SHLD1: variants seen among roughly 807,000 people sequenced by gnomAD.
SHLD1 encodes the protein RINN1-REV7-interacting novel NHEJ regulator 3.
In SHLD1, 3 loss-of-function variants were observed where a neutral mutation model predicts 5.5. That is an observed-to-expected ratio of 0.54 (90% confidence interval 0.25 to 1.40). SHLD1 has a LOEUF of 1.40. SHLD1 is among the 40% of genes most tolerant of loss of function. SHLD1 has a pLI of 0.15. For synonymous variants in SHLD1, 92 were observed against 94.3 expected (o/e 0.98, Z 0.14); for missense variants, 210 against 244.4 (o/e 0.86, Z 0.94).
At chr20:5,862,360 GC>G (rs2088174645) in intron 2 of SHLD1, among the ~76,000 whole-genome samples, 1 of 152,234 alleles carries the variant, frequency 6.6e-6, no homozygotes, top group Non-Finnish European at 1.5e-5. Context: ...AGGCCATGGT[GC>G]CCAGCTGAGG....
At chr20:5,752,399 A>T (rs1019184781) in intron 1 of SHLD1, among the ~76,000 whole-genome samples, 1 of 151,440 alleles carries the variant, frequency 6.6e-6, no homozygotes, top group African/African-American at 2.4e-5. Context: ...CCATCTCAAA[A>T]AAAAAAAAAA....
At chr20:5,760,999 G>A (rs1176638302) in intron 1 of SHLD1, among the ~76,000 whole-genome samples, 2 of 152,004 alleles carry the variant, frequency 1.3e-5, no homozygotes, top group Admixed American at 1.3e-4. Context: ...AAAATGGGGA[G>A]GGGGAGGGAA....
At chr20:5,775,923 A>ATTTTTTTTTTTTTCTTTTTT (rs1985404021) in intron 2 of SHLD1, among the ~76,000 whole-genome samples, 1 of 77,678 alleles carries the variant, frequency 1.3e-5, no homozygotes, top group Non-Finnish European at 2.4e-5. Flanking sequence ...TCAGCTCAGG[A>ATTTTTTTTTTTTTCTTTTTT]TTTTTTTTTT....
chr20:5,753,388 C>T (rs1323105575), intron 1 of SHLD1, among the ~76,000 whole-genome samples: 2 of 152,206 alleles, frequency 1.3e-5, no homozygotes, highest in African/African-American at 4.8e-5. Context: ...AGGATCCTCC[C>T]ACCTCGGCCT....
At chr20:5,857,873 G>A (rs906599066) in intron 2 of SHLD1, among the ~76,000 whole-genome samples, 1 of 152,076 alleles carries the variant, frequency 6.6e-6, no homozygotes, top group Non-Finnish European at 1.5e-5. Flanking sequence ...GCCAAGGCAG[G>A]TGGATCACGA....
At chr20:5,858,984 G>A (rs967344945) in intron 2 of SHLD1, among the ~76,000 whole-genome samples, 1 of 152,110 alleles carries the variant, frequency 6.6e-6, no homozygotes, top group Admixed American at 6.5e-5. Flanking sequence ...TATTCATGAT[G>A]GAAAATATAT....
In SHLD1 at chr20:5,758,765, C is replaced by G. The variant is rs138015227; in HGVS notation, c.-5+8286C>G. Among the ~76,000 whole-genome samples the G allele has an allele frequency of 3.8e-4, 58 of 151,974 alleles. No individual in the cohort carries two copies. The East Asian group carries it at 9.9e-3, about 26-fold the overall frequency. ...TCCATTTTGAGATGGAGGATAGGAA[C>G]AGGCAAAGAGGTGGGAGGACGCTTT... is the stretch of plus-strand genomic sequence containing the variant. On this transcript the variant is annotated intron_variant, in intron 1 of 2. Coordinates refer to ENST00000303142, the MANE Select transcript of SHLD1 (RefSeq NM_152504.4).
intron 2 of SHLD1, among the ~76,000 whole-genome samples, chr20:5,828,713 A>G (rs1444344908): frequency 1.3e-5 from 2 of 152,248 alleles, no homozygotes; most frequent in African/African-American, 4.8e-5. Context: ...GGTGCCAAGT[A>G]AAATATATTT....
At chr20:5,784,643 G>A (rs373877950) in intron 2 of SHLD1, among the ~76,000 whole-genome samples, 3 of 151,950 alleles carry the variant, frequency 2.0e-5, no homozygotes, top group Non-Finnish European at 4.4e-5. Context: ...GTAGAGACGG[G>A]GTTTCACCGT....
intron 2 of SHLD1, among the ~76,000 whole-genome samples, chr20:5,781,787 A>C (rs1384048967): frequency 6.6e-6 from 1 of 152,078 alleles, no homozygotes; most frequent in Non-Finnish European, 1.5e-5. Flanking sequence ...CCAATCTTAC[A>C]CTACTTCTTT....
At position 5,764,158 on chromosome 20, in the gene SHLD1, TTA is replaced by T. The variant is rs1204952037; in HGVS notation, c.-4-8688_-4-8687del. Among the ~76,000 whole-genome samples, 28 of 72,018 alleles carry T rather than the reference TTA, an allele frequency of 3.9e-4. 1 individual carries two copies. Among genetic ancestry groups the T allele is most frequent in the Non-Finnish European group, 4.8e-4 (17 of 35,692 alleles). The allele number at this position is 72,018 out of a possible 152,430, so 47.2% of individuals were successfully genotyped here. On this transcript the variant is annotated intron_variant, in intron 1 of 2. Coordinates refer to ENST00000303142, the MANE Select transcript of SHLD1 (RefSeq NM_152504.4). ...AAAAAAAATATATATATATTTATAT[TTA>T]TATATATATATATATTTTTATATAT...
chr20:5,795,174 G>T (rs1348024808), intron 2 of SHLD1, among the ~76,000 whole-genome samples: 1 of 150,074 alleles, frequency 6.7e-6, no homozygotes, highest in South Asian at 2.1e-4. Flanking sequence ...AGGAAGCAGA[G>T]GTTGCAGTAA....
intron 2 of SHLD1, among the ~76,000 whole-genome samples, chr20:5,848,903 C>G (rs2122487544): frequency 6.6e-6 from 1 of 152,290 alleles, no homozygotes; most frequent in East Asian, 1.9e-4. Context: ...CACTTTCCCT[C>G]TGAGTGATTC....
intron 2 of SHLD1, among the ~76,000 whole-genome samples, chr20:5,811,581 A>T (rs1244877025): frequency 6.6e-6 from 1 of 152,172 alleles, no homozygotes; most frequent in Non-Finnish European, 1.5e-5. Context: ...GAGGCTGGGC[A>T]TGGTGGCTCA....
At chr20:5,803,058 CA>C (rs1413912464) in intron 2 of SHLD1, among the ~76,000 whole-genome samples, 2 of 152,188 alleles carry the variant, frequency 1.3e-5, no homozygotes, top group Non-Finnish European at 2.9e-5. Flanking sequence ...AATATACAGT[CA>C]ATAAGCAACT....
chr20:5,834,491 G>A lies in SHLD1; in HGVS notation c.179-28533G>A, dbSNP rs115025257. Among the ~76,000 whole-genome samples the A allele has an allele frequency of 8.6e-3, 1,308 of 152,210 alleles. 14 individuals carry two copies. The highest frequency in any genetic ancestry group is 0.03 in the African/African-American group (1,252 of 41,532). ...TCTTTTTTTGTTTTTTTAATTAAAA[G>A]TACTTGTCCTCAATGTGAAAAAACA... On this transcript the variant is annotated intron_variant, in intron 2 of 2. Coordinates refer to ENST00000303142, the MANE Select transcript of SHLD1 (RefSeq NM_152504.4).
At chr20:5,771,618 C>CTT (rs76582920) in intron 1 of SHLD1, among the ~76,000 whole-genome samples, 19 of 144,618 alleles carry the variant, frequency 1.3e-4, no homozygotes, top group African/African-American at 4.8e-4. Context: ...AACTCCATAA[C>CTT]TTTTTTTTTT....
intron 2 of SHLD1, among the ~76,000 whole-genome samples, chr20:5,817,725 T>C (rs2087555792): frequency 3.9e-5 from 6 of 152,114 alleles, no homozygotes; most frequent in Admixed American, 3.9e-4. Context: ...TGACTTAGTG[T>C]TCACTGTGAA....
intron 2 of SHLD1, among the ~76,000 whole-genome samples, chr20:5,847,472 G>A (rs1006178815): frequency 5.3e-5 from 8 of 151,966 alleles, no homozygotes; most frequent in East Asian, 1.9e-4. Flanking sequence ...TGTAAGAGAC[G>A]GAAATAATCT....
Sources: gnomAD v4.1 joint callset for allele counts (sites outside exome capture counted in the v4.1 genomes callset) on GRCh38, gnomAD v4.1.1 for gene constraint, MANE v1.5 for transcripts, NCBI Gene and HGNC (gene_info 2026-07-23, HGNC 2026-07-21) for gene names.